PDE1C: variants seen among roughly 807,000 people sequenced by gnomAD.
PDE1C encodes phosphodiesterase 1C.
A neutral mutation model predicts 93.1 loss-of-function variants in PDE1C; 62 were observed. That is an observed-to-expected ratio of 0.67 (90% CI 0.54 to 0.82). The LOEUF is 0.82. PDE1C is among the 40% of genes least tolerant of loss of function. The pLI is 0.00. For missense variants in PDE1C, 742 were observed against 884.6 expected, an observed-to-expected ratio of 0.84 and a Z score of 2.04; for synonymous variants, 325 against 310.1, an observed-to-expected ratio of 1.05 and a Z score of -0.50.
chr7:31,971,583 C>A (rs1311527997), intron 2 of PDE1C, among the ~76,000 whole-genome samples: 1 of 152,192 alleles, frequency 6.6e-6, no homozygotes, highest in Admixed American at 6.5e-5. Flanking sequence ...TGCATCTACA[C>A]CCACTGTGGG....
chr7:32,102,961 T>G (rs1798109925), intron 3 of PDE1C, among the ~76,000 whole-genome samples: 1 of 152,184 alleles, frequency 6.6e-6, no homozygotes, highest in East Asian at 1.9e-4. Flanking sequence ...ACAACCCACA[T>G]AAAACCATAT....
At chr7:32,043,870 C>T (rs1404321009) in intron 2 of PDE1C, among the ~76,000 whole-genome samples, 4 of 152,302 alleles carry the variant, frequency 2.6e-5, no homozygotes, top group East Asian at 3.9e-4. Flanking sequence ...TGAGAGTCTA[C>T]GTGTGGGAGT....
chr7:31,880,665 G>A, intron 3 of PDE1C, 82 bp downstream of exon 3: 2 of 779,716 alleles, frequency 2.6e-6, no homozygotes, highest in East Asian at 2.5e-5. Flanking sequence ...CCCATTCCTG[G>A]CATGGGGGAC....
intron 1 of PDE1C, among the ~76,000 whole-genome samples, chr7:32,239,248 T>C (rs1436026085): frequency 1.3e-5 from 2 of 151,946 alleles, no homozygotes; most frequent in South Asian, 2.1e-4. Context: ...AAAATATATA[T>C]AGCCAAGCGT....
chr7:32,222,670 C>T (rs1562594260), intron 1 of PDE1C, among the ~76,000 whole-genome samples: 2 of 152,326 alleles, frequency 1.3e-5, no homozygotes. Context: ...CTGAATTTGG[C>T]AGGGACTAGT....
chr7:32,246,035 C>T (rs1191574191), intron 1 of PDE1C, among the ~76,000 whole-genome samples: 4 of 141,586 alleles, frequency 2.8e-5, no homozygotes, highest in Non-Finnish European at 6.0e-5. Flanking sequence ...GTGGTGCAAT[C>T]AGAGCTCACT....
rs562215843 is a variant in PDE1C at position 31,771,589 on chromosome 7, T to C, written c.1960+4075A>G. Among the ~76,000 whole-genome samples the C allele has an allele frequency of 3.5e-4, 54 of 152,342 alleles. 1 individual carries two copies. The highest frequency in any genetic ancestry group is 1.3e-3 in the African/African-American group (54 of 41,574). On this transcript the variant is annotated intron_variant, in intron 17 of 17. Coordinates refer to ENST00000396191, the MANE Select transcript of PDE1C (RefSeq NM_001191057.4). ...ACTTTTGTTGTTGTTGCTGCTGCTG[T>C]TGAGCTGCCAGAGTTCTTTATATCT...
At chr7:32,320,245 C>A (rs1227574293) in intron 1 of PDE1C, among the ~76,000 whole-genome samples, 1 of 152,106 alleles carries the variant, frequency 6.6e-6, no homozygotes, top group African/African-American at 2.4e-5. Context: ...TTTTAAGTAT[C>A]ATGCTTGTAA....
intron 2 of PDE1C, among the ~76,000 whole-genome samples, chr7:31,892,809 G>C (rs1453053822): frequency 6.6e-6 from 1 of 152,152 alleles, no homozygotes; most frequent in South Asian, 2.1e-4. Flanking sequence ...CAAAGTTCCA[G>C]TTACACAGAA....
intron 3 of PDE1C, among the ~76,000 whole-genome samples, chr7:32,093,812 G>A (rs11972318): frequency 0.63 from 95,199 of 152,144 alleles, 29,973 homozygotes; most frequent in South Asian, 0.67. Flanking sequence ...AGAACCCCTC[G>A]CTGAAAGCTG....
intron 17 of PDE1C, among the ~76,000 whole-genome samples, chr7:31,759,863 CTCTCTCTCTCTCTG>C (rs1000282562): frequency 1.3e-5 from 2 of 150,578 alleles, no homozygotes; most frequent in African/African-American, 5.0e-5. Context: ...CTTTTGTTCT[CTCTCTCTCTCTCTG>C]TCTCTCTCTC....
At chr7:31,882,722 CT>C (rs1562966248) in intron 2 of PDE1C, among the ~76,000 whole-genome samples, 1 of 152,064 alleles carries the variant, frequency 6.6e-6, no homozygotes, top group East Asian at 1.9e-4. Flanking sequence ...ACATGTAACT[CT>C]AGTAGAATCC....
At chr7:32,335,753 G>A (rs1783607194) in intron 1 of PDE1C, among the ~76,000 whole-genome samples, 1 of 152,012 alleles carries the variant, frequency 6.6e-6, no homozygotes, top group African/African-American at 2.4e-5. Flanking sequence ...TTTTGAGACA[G>A]GGTCTCACTC....
At chr7:31,692,703 T>G in the PDE1C span, among the ~76,000 whole-genome samples, 2 of 152,096 alleles carry the variant, frequency 1.3e-5, no homozygotes. Context: ...GGGTCTGCCA[T>G]GTAAATATTA....
At chr7:32,004,181 T>G (rs2128566514) in intron 2 of PDE1C, among the ~76,000 whole-genome samples, 1 of 152,184 alleles carries the variant, frequency 6.6e-6, no homozygotes, top group Admixed American at 6.5e-5. Flanking sequence ...GACTTTTGGG[T>G]GCAGTTTAGA....
chr7:31,796,214 A>T (rs1410774989), intron 16 of PDE1C, among the ~76,000 whole-genome samples: 1 of 150,570 alleles, frequency 6.6e-6, no homozygotes, highest in Non-Finnish European at 1.5e-5. Context: ...TATATCTTAC[A>T]TGTTATATGT....
At chr7:31,855,806 A>C (rs1197571466) in intron 7 of PDE1C, among the ~76,000 whole-genome samples, 1 of 149,960 alleles carries the variant, frequency 6.7e-6, no homozygotes, top group Non-Finnish European at 1.5e-5. Context: ...AAAAAAAAAA[A>C]AAAGACAAAG....
chr7:32,200,259 G>A (rs1218313389), intron 2 of PDE1C, among the ~76,000 whole-genome samples: 1 of 152,066 alleles, frequency 6.6e-6, no homozygotes, highest in African/African-American at 2.4e-5. Context: ...TACTTAGTTG[G>A]TCTTGTTTTC....
chr7:31,958,073 A>G (rs1041101879), intron 2 of PDE1C, among the ~76,000 whole-genome samples: 3 of 152,222 alleles, frequency 2.0e-5, no homozygotes, highest in Admixed American at 2.0e-4. Context: ...TGGCTTAAAA[A>G]TTATTTTACA....
Sources: allele counts gnomAD v4.1 joint callset (sites outside exome capture counted in the v4.1 genomes callset), GRCh38; gene constraint gnomAD v4.1.1; transcripts MANE v1.5; gene names NCBI Gene and HGNC (gene_info 2026-07-23, HGNC 2026-07-21).